The following CDH19 variants were observed in gnomAD, a reference collection of about 807,000 sequenced individuals.
The protein encoded by CDH19 is cadherin 19, also known as cadherin-19.
A neutral mutation model predicts 64.2 loss-of-function variants in CDH19; 67 were observed. The ratio of observed to expected loss-of-function variants is 1.04; its 90% CI spans 0.86 to 1.28. The LOEUF (loss-of-function observed/expected upper bound fraction) is 1.28, where lower values mean the gene tolerates loss of function less well. Ranked by LOEUF, CDH19 falls within the 50% of genes most tolerant of loss-of-function variation. The pLI is 0.00. For synonymous variants in CDH19, 346 were observed against 319.3 expected (o/e 1.08, Z -0.89); for missense variants, 1,030 against 929.0 (o/e 1.11, Z -1.41).
At chr18:66,513,932 G>C (rs1312505069) in intron 9 of CDH19, among the ~76,000 whole-genome samples, 1 of 151,344 alleles carries the variant, frequency 6.6e-6, no homozygotes, top group Non-Finnish European at 1.5e-5. Context: ...TCTATATACA[G>C]TGCATTGAAA....
At chr18:66,516,717 G>A (rs990426871) in intron 9 of CDH19, among the ~76,000 whole-genome samples, 8 of 152,000 alleles carry the variant, frequency 5.3e-5, no homozygotes, top group African/African-American at 1.9e-4. Context: ...TTGGATGAAG[G>A]AAAGTTTGAT....
chr18:66,507,469 A>G (rs1985257155), intron 11 of CDH19, among the ~76,000 whole-genome samples: 1 of 151,832 alleles, frequency 6.6e-6, no homozygotes, highest in South Asian at 2.1e-4. Context: ...TGAGGGAGGC[A>G]AGAGCAGAGT....
At chr18:66,540,618 A>G (rs1986851473) in intron 7 of CDH19, among the ~76,000 whole-genome samples, 1 of 152,072 alleles carries the variant, frequency 6.6e-6, no homozygotes. Context: ...AGCCAGAGAG[A>G]GGCTTGAGAG....
intron 1 of CDH19, among the ~76,000 whole-genome samples, chr18:66,578,699 A>G (rs1023764281): frequency 6.6e-6 from 1 of 151,954 alleles, no homozygotes; most frequent in Non-Finnish European, 1.5e-5. Context: ...AGATGCTTAC[A>G]TGAATATCAG....
At position 66,509,205 on chromosome 18, in the gene CDH19, G is replaced by C. The variant is rs749889296; in HGVS notation, c.1618C>G (p.Leu540Val). 1.9e-6 allele frequency: 3 copies of C among 1,612,450 alleles called. No homozygotes were observed. Among genetic ancestry groups the C allele is most frequent in the African/African-American group, 1.3e-5 (1 of 74,938 alleles). ...ATGTAGAAGACAGGTTCTTCTTGAA[G>C]GTTAAAACCAGTTCTATTAGTCAAA... is the stretch of plus-strand genomic sequence containing the variant. ...VILTNRTGFN[L>V]QEEPVFYISI... The change falls in exon 11 of 12, where the codon CTT becomes GTT. Residue 540 changes from leucine (L) to valine (V), a missense_variant. Leu to Val is a conservative substitution (Grantham distance 32). Coordinates refer to ENST00000262150, the MANE Select transcript of CDH19 (RefSeq NM_021153.4).
At chr18:66,510,250 T>TA (rs1296835973) in intron 10 of CDH19, among the ~76,000 whole-genome samples, 1 of 151,708 alleles carries the variant, frequency 6.6e-6, no homozygotes, top group African/African-American at 2.4e-5. Context: ...CCTTAAGGTC[T>TA]ATAAAGCCCA....
intron 1 of CDH19, among the ~76,000 whole-genome samples, chr18:66,585,501 G>A (rs922537244): frequency 6.6e-6 from 1 of 151,984 alleles, no homozygotes; most frequent in African/African-American, 2.4e-5. Context: ...GAAAATTGAG[G>A]ATAATTATTA....
intron 3 of CDH19, among the ~76,000 whole-genome samples, chr18:66,556,561 C>T (rs1163931267): frequency 6.6e-6 from 1 of 151,716 alleles, no homozygotes; most frequent in African/African-American, 2.4e-5. Flanking sequence ...AGCATAATGT[C>T]CCCCAGGCTC....
intron 10 of CDH19, among the ~76,000 whole-genome samples, chr18:66,511,277 T>G (rs1371411289): frequency 6.6e-6 from 1 of 151,714 alleles, no homozygotes; most frequent in Non-Finnish European, 1.5e-5. Context: ...GGAGCTGTGG[T>G]GTCAGAACTG....
At chr18:66,530,461 A>C (rs1172731925) in intron 8 of CDH19, among the ~76,000 whole-genome samples, 1 of 152,074 alleles carries the variant, frequency 6.6e-6, no homozygotes, top group African/African-American at 2.4e-5. Flanking sequence ...AACCACTGAA[A>C]TTTAGGGCGT....
intron 9 of CDH19, among the ~76,000 whole-genome samples, chr18:66,527,274 T>C (rs1048231166): frequency 6.6e-6 from 1 of 152,004 alleles, no homozygotes; most frequent in East Asian, 1.9e-4. Flanking sequence ...TTTTTCATAT[T>C]TACAAAACAT....
intron 3 of CDH19, among the ~76,000 whole-genome samples, chr18:66,563,932 CTG>C (rs77909564): frequency 0.16 from 24,912 of 151,632 alleles, 2,791 homozygotes; most frequent in Middle Eastern, 0.24. Flanking sequence ...ACAAATTAGA[CTG>C]TGTTTAATAA....
At chr18:66,601,210 T>C (rs965959964) in intron 1 of CDH19, among the ~76,000 whole-genome samples, 1 of 151,884 alleles carries the variant, frequency 6.6e-6, no homozygotes, top group Admixed American at 6.6e-5. Context: ...TTTTTAGGAA[T>C]AAAATAGATG....
intron 1 of CDH19, among the ~76,000 whole-genome samples, chr18:66,593,262 CAAT>C (rs751348109): frequency 1.1e-3 from 171 of 151,740 alleles, no homozygotes; most frequent in Middle Eastern, 0.01. Context: ...TGAAAGTAAC[CAAT>C]AATGTTTCTG....
Position 66,502,335 on chromosome 18 carries a change from A to ATC in CDH19, c.*2475_*2476dup, listed in dbSNP as rs1984980903. ...CAATCTTATAATCAACTCAACCAGA[A>ATC]TCTATTTTAATATATCTCTTTAGTG... On this transcript the variant is annotated 3_prime_UTR_variant, in exon 12 of 12. Coordinates refer to ENST00000262150, the MANE Select transcript of CDH19 (RefSeq NM_021153.4). 1 of 152,006 alleles carries ATC rather than the reference A, an allele frequency of 6.6e-6. No individual in the cohort carries two copies. Among genetic ancestry groups the ATC allele is most frequent in the African/African-American group, 2.4e-5 (1 of 41,430 alleles). The allele number at this position is 152,006 out of a possible 1,614,324, so 9.4% of individuals were successfully genotyped here.
At chr18:66,568,880 C>G (rs992473938) in intron 2 of CDH19, among the ~76,000 whole-genome samples, 170 bp from the exon 3 acceptor site, 2 of 151,558 alleles carry the variant, frequency 1.3e-5, no homozygotes, top group African/African-American at 4.8e-5. Context: ...AAATCTATCA[C>G]CAGGGAGAAG....
At chr18:66,576,966 T>C (rs1055147526) in intron 1 of CDH19, among the ~76,000 whole-genome samples, 9 of 151,588 alleles carry the variant, frequency 5.9e-5, no homozygotes, top group Admixed American at 2.6e-4. Flanking sequence ...CATTTTATAA[T>C]AATATAAATA....
intron 8 of CDH19, chr18:66,532,519 C>CACACACACACAG (rs957423260): frequency 1.1e-4 from 32 of 294,680 alleles, no homozygotes; most frequent in African/African-American, 6.3e-4. Context: ...CACACACACA[C>CACACACACACAG]AGAGAAAGAG....
intron 9 of CDH19, among the ~76,000 whole-genome samples, chr18:66,515,324 T>A (rs1985688596): frequency 6.6e-6 from 1 of 151,744 alleles, no homozygotes; most frequent in African/African-American, 2.4e-5. Context: ...TTTATATTAC[T>A]CTAATGAGTA....
Sources: allele counts gnomAD v4.1 joint callset (sites outside exome capture counted in the v4.1 genomes callset), GRCh38; gene constraint gnomAD v4.1.1; transcripts MANE v1.5; gene names NCBI Gene and HGNC (gene_info 2026-07-23, HGNC 2026-07-21).